Variants in ARHGEF10 observed in about 807,000 individuals in gnomAD.
The protein encoded by ARHGEF10 is Rho guanine nucleotide exchange factor 10.
A neutral mutation model predicts 147.4 loss-of-function variants in ARHGEF10; 140 were observed. The ratio of observed to expected loss-of-function variants is 0.95; its 90% CI spans 0.83 to 1.09. ARHGEF10 has a LOEUF of 1.09. Ranked by LOEUF, ARHGEF10 falls within the 50% of genes least tolerant of loss-of-function variation. ARHGEF10 has a pLI of 0.00. For missense variants in ARHGEF10, 2,222 were observed against 1,752.7 expected (o/e 1.27, Z -4.78); for synonymous variants, 902 against 695.8 (o/e 1.30, Z -4.67).
At chr8:1,881,583 A>G (rs1168061563) in intron 9 of ARHGEF10, among the ~76,000 whole-genome samples, 1 of 147,098 alleles carries the variant, frequency 6.8e-6, no homozygotes, top group Non-Finnish European at 1.5e-5. Flanking sequence ...GATGGGGGAC[A>G]GCATTGCAAG....
At position 1,956,735 on chromosome 8, in the gene ARHGEF10, G is replaced by A. The variant is rs1357964697; in HGVS notation, c.3521-14G>A. The A allele has an allele frequency of 6.2e-7, 1 of 1,613,658 alleles. No individual in the cohort carries two copies. The highest frequency in any genetic ancestry group is 8.5e-7 in the Non-Finnish European group (1 of 1,179,936). On this transcript the variant is annotated splice_polypyrimidine_tract_variant and intron_variant, in intron 28 of 28. Transcript: ENST00000349830. ...TATTTTAAAAGACAGCTGTTGAACT[G>A]TTTCCCTTTTCAGGAAGAGGCATGG...
At chr8:1,898,806 G>A (rs916900633) in intron 15 of ARHGEF10, among the ~76,000 whole-genome samples, 2 of 152,020 alleles carry the variant, frequency 1.3e-5, no homozygotes, top group South Asian at 2.1e-4. Flanking sequence ...CCTGCCTCAC[G>A]TGCTCTCACA....
chr8:1,895,022 G>A (rs1281171146), intron 13 of ARHGEF10, among the ~76,000 whole-genome samples: 1 of 152,206 alleles, frequency 6.6e-6, no homozygotes, highest in Non-Finnish European at 1.5e-5. Context: ...GAAAACACGT[G>A]ATGGGAAAAT....
At chr8:1,878,887 G>A (rs1469460589) in intron 8 of ARHGEF10, among the ~76,000 whole-genome samples, 1 of 152,144 alleles carries the variant, frequency 6.6e-6, no homozygotes. Flanking sequence ...TACAACCCGG[G>A]AGCGCTGGGC....
At position 1,857,875 on chromosome 8, in the gene ARHGEF10, GATCGATCTATCTATCT is replaced by G. The variant is rs1486178571; in HGVS notation, c.38-81_38-66del. ...TCAGTGTCTCTGGCTAACATAGATCGATCGATCTATCTATCTATCTATCTATCTATCTATCTATCTA... is the reference window on the plus strand; with the variant it reads ...TCAGTGTCTCTGGCTAACATAGATCGATCTATCTATCTATCTATCTATCTA... On this transcript the variant is annotated intron_variant, in intron 2 of 28. Transcript: ENST00000349830. 403 of 918,474 alleles carry G rather than the reference GATCGATCTATCTATCT, an allele frequency of 4.4e-4. 3 individuals carry two copies. The highest frequency in any genetic ancestry group is 1.6e-3 in the African/African-American group (81 of 51,020). 56.9% of individuals were successfully genotyped at this position (918,474 alleles called of 1,614,324 possible). A position where few individuals can be genotyped will look rare whatever the true frequency, so the allele number is the denominator to read the frequency against.
chr8:1,949,434 T>A lies in ARHGEF10; in HGVS notation c.3398-3271T>A, dbSNP rs965635890. On this transcript the variant is annotated intron_variant, in intron 27 of 28. Transcript: ENST00000349830. ...GTTACCTTTCTAAGTTATAAAGGAG[T>A]AGAGTTTACAGCGAGTGAGTTCACG... Among the ~76,000 whole-genome samples, 39 of 151,724 alleles carry A rather than the reference T, an allele frequency of 2.6e-4. 1 individual carries two copies. Among genetic ancestry groups the A allele is most frequent in the Admixed American group, 2.3e-3 (35 of 15,234 alleles).
In ARHGEF10 at chr8:1,922,977, G is replaced by A; in HGVS notation, c.2157G>A (p.Met719Ile). Reference protein sequence around the residue: ...VANAKPNKVYMGPGQLYQDLQ... With the variant: ...VANAKPNKVYIGPGQLYQDLQ... Reference sequence around the variant, plus strand: ...CTTATTTTGTAGACAAAGTTTACATGGGGCCAGGACAACTGTATCAAGATT... The same window carrying A: ...CTTATTTTGTAGACAAAGTTTACATAGGGCCAGGACAACTGTATCAAGATT... Residue 719 changes from methionine to isoleucine, a missense_variant, in exon 19 of 29, where the codon ATG (methionine) becomes ATA (isoleucine). Physicochemically the swap from Met to Ile is conservative, Grantham distance 10 (BLOSUM62 1). Transcript: ENST00000349830. 1 of 1,611,988 alleles carries A rather than the reference G, an allele frequency of 6.2e-7. No individual in the cohort carries two copies. Among genetic ancestry groups the A allele is most frequent in the Non-Finnish European group, 8.5e-7 (1 of 1,178,830 alleles).
intron 3 of ARHGEF10, among the ~76,000 whole-genome samples, chr8:1,859,683 G>A (rs938236437): frequency 1.3e-5 from 2 of 152,228 alleles, no homozygotes; most frequent in Admixed American, 1.3e-4. Flanking sequence ...GTAGTGACCA[G>A]GCTGCATCCG....
intron 1 of ARHGEF10, chr8:1,825,938 A>G (rs1802744137): frequency 1.6e-6 from 1 of 632,442 alleles, no homozygotes; most frequent in African/African-American, 1.8e-5. Context: ...ATATGTTTTG[A>G]ACACCTGCTT....
In ARHGEF10 at chr8:1,833,478, G is replaced by T. The variant is rs553429321; in HGVS notation, c.-48+9365G>T. Among the ~76,000 whole-genome samples the T allele has an allele frequency of 7.2e-4, 110 of 152,146 alleles. 1 individual carries two copies. Among genetic ancestry groups the T allele is most frequent in the African/African-American group, 2.6e-3 (106 of 41,516 alleles). ...GGGGCAGAGGCAGGGGCAGAGACAG[G>T]GGCAGGCTACAGCCCGGGGCCTTCA... is the stretch of plus-strand genomic sequence containing the variant. On this transcript the variant is annotated intron_variant, in intron 1 of 28. Coordinates refer to ENST00000349830, the MANE Select transcript of ARHGEF10 (RefSeq NM_014629.4).
chr8:1,881,230 C>T (rs1808166330), intron 9 of ARHGEF10, among the ~76,000 whole-genome samples: 1 of 151,010 alleles, frequency 6.6e-6, no homozygotes. Flanking sequence ...GCCCTGAGAT[C>T]CGGGAGTCCT....
chr8:1,824,201 C>T (rs1334557937), intron 1 of ARHGEF10, 88 bp downstream of exon 1: 2 of 152,232 alleles, frequency 1.3e-5, no homozygotes, highest in Non-Finnish European at 2.9e-5. Flanking sequence ...CCCCCGAAAT[C>T]GCTGGGTCCC....
At chr8:1,889,956 G>A (rs75312923) in intron 11 of ARHGEF10, among the ~76,000 whole-genome samples, 1,626 of 148,462 alleles carry the variant, frequency 0.011, 67 homozygotes, top group African/African-American at 0.038. Context: ...GACACTGAGT[G>A]GGGGAGGGGT....
chr8:1,956,942 C>T lies in ARHGEF10; in HGVS notation c.3714C>T (p.Asp1238=), dbSNP rs781443924. 3.7e-5 allele frequency: 60 copies of T among 1,614,080 alleles called. No individual in the cohort carries two copies. Among genetic ancestry groups the T allele is most frequent in the Middle Eastern group, 1.6e-4 (1 of 6,084 alleles). The part of the protein sequence containing the change: ...AGSSLSQGDP[D]AAIWLGDSLG... The stretch of plus-strand genomic sequence containing the variant: ...CATCTCTGAGCCAGGGTGACCCTGA[C>T]GCAGCCATCTGGTTGGGAGATTCGC... The change falls in exon 29 of 29, where the codon GAC becomes GAT. Residue 1238 remains aspartate, a synonymous_variant. Coordinates refer to ENST00000349830, the MANE Select transcript of ARHGEF10 (RefSeq NM_014629.4).
At chr8:1,911,506 T>A (rs1811351982) in intron 18 of ARHGEF10, among the ~76,000 whole-genome samples, 1 of 152,248 alleles carries the variant, frequency 6.6e-6, no homozygotes, top group Non-Finnish European at 1.5e-5. Flanking sequence ...AAGATAGAAC[T>A]CAAGTCAGAA....
In ARHGEF10 at chr8:1,876,753, T is replaced by C. The variant is rs115959630; in HGVS notation, c.843+19T>C. 1.1e-3 allele frequency: 1,731 copies of C among 1,613,906 alleles called. 15 individuals are homozygous for C. The African/African-American group carries it at 0.019, about 18-fold the overall frequency. ...AAAGCAAGTACGTGTTCCCTGCACA[T>C]GTGAGGGATGGTTCTCTCGCGTTAA... On this transcript the variant is annotated intron_variant, in intron 8 of 28. Coordinates refer to ENST00000349830, the MANE Select transcript of ARHGEF10 (RefSeq NM_014629.4).
chr8:1,854,257 A>T (rs1354046593), intron 2 of ARHGEF10, among the ~76,000 whole-genome samples: 1 of 152,024 alleles, frequency 6.6e-6, no homozygotes, highest in Non-Finnish European at 1.5e-5. Context: ...CTCACCATCG[A>T]TGGAGGCCCC....
At chr8:1,921,968 T>C (rs1210936566) in intron 18 of ARHGEF10, among the ~76,000 whole-genome samples, 2 of 152,102 alleles carry the variant, frequency 1.3e-5, no homozygotes. Flanking sequence ...TTTATTTCTA[T>C]GAGAAGTGGA....
intron 2 of ARHGEF10, among the ~76,000 whole-genome samples, chr8:1,850,691 C>T (rs541710022): frequency 1.3e-5 from 2 of 152,252 alleles, no homozygotes; most frequent in East Asian, 1.9e-4. Context: ...AGCCATGCCC[C>T]GGCGTATTTA....
Sources: allele counts gnomAD v4.1 joint callset (sites outside exome capture counted in the v4.1 genomes callset), GRCh38; gene constraint gnomAD v4.1.1; transcripts MANE v1.5; gene names NCBI Gene and HGNC (gene_info 2026-07-23, HGNC 2026-07-21).